The following PTPRO variants were observed in gnomAD, a reference collection of about 807,000 sequenced individuals.
The protein encoded by PTPRO is protein tyrosine phosphatase receptor type O, also known as receptor-type tyrosine-protein phosphatase O.
Under a neutral mutation model 145.2 loss-of-function variants are expected in PTPRO, and 62 were observed. That is an observed-to-expected ratio of 0.43 (90% confidence interval 0.35 to 0.53). The LOEUF (loss-of-function observed/expected upper bound fraction) is 0.53. Ranked by LOEUF, PTPRO falls within the 20% of genes least tolerant of loss-of-function variation. The probability of loss-of-function intolerance (pLI) is 0.01; values close to 1 mark genes in which losing one functional copy is unlikely to be tolerated. For missense variants in PTPRO, 1,345 were observed against 1,482.7 expected (o/e 0.91, Z 1.53); for synonymous variants, 565 against 514.7 (o/e 1.10, Z -1.32).
chr12:15,508,700 C>T lies in PTPRO; in HGVS notation c.1397C>T (p.Ser466Phe). The part of the protein sequence containing the change: ...SQENYNSTIV[S>F]VVSLTCQKQK... ...GAGAACTACAACAGCACCATTGTGT[C>T]TGTGGTGTCGCTGACCTGCCAGAAA... Residue 466 changes from serine to phenylalanine, a missense_variant, in exon 7 of 27, where the codon TCT (serine) becomes TTT (phenylalanine). By Grantham distance (155) the Ser-to-Phe change is radical (BLOSUM62 -2). Coordinates refer to ENST00000281171, the MANE Select transcript of PTPRO (RefSeq NM_030667.3). 1 of 1,614,076 alleles carries T rather than the reference C, an allele frequency of 6.2e-7. No individual in the cohort carries two copies. The highest frequency in any genetic ancestry group is 8.5e-7 in the Non-Finnish European group (1 of 1,180,010).
chr12:15,465,817 T>C (rs1008404866), intron 1 of PTPRO, among the ~76,000 whole-genome samples: 8 of 152,150 alleles, frequency 5.3e-5, no homozygotes, highest in African/African-American at 1.7e-4. Context: ...ATAAGATGGA[T>C]GGTAAATAGG....
chr12:15,436,579 T>C (rs1040207278), intron 1 of PTPRO, among the ~76,000 whole-genome samples: 1 of 152,090 alleles, frequency 6.6e-6, no homozygotes, highest in Non-Finnish European at 1.5e-5. Context: ...CTTCTCCTAA[T>C]CCCTGGAGTT....
chr12:15,581,230 C>T (rs560942128), intron 22 of PTPRO, among the ~76,000 whole-genome samples: 13 of 151,752 alleles, frequency 8.6e-5, no homozygotes, highest in African/African-American at 3.1e-4. Context: ...TTACTAAAGG[C>T]AGTTTCAGCA....
At chr12:15,431,441 A>C (rs538520791) in intron 1 of PTPRO, among the ~76,000 whole-genome samples, 1 of 152,292 alleles carries the variant, frequency 6.6e-6, no homozygotes, top group South Asian at 2.1e-4. Context: ...TTCTCACTTC[A>C]ACTTTTCAAA....
intron 1 of PTPRO, among the ~76,000 whole-genome samples, chr12:15,371,978 C>T (rs1389008975): frequency 1.3e-5 from 2 of 152,142 alleles, no homozygotes; most frequent in Admixed American, 6.5e-5. Context: ...TCAACTAAAC[C>T]TCTTTCCTAT....
intron 1 of PTPRO, among the ~76,000 whole-genome samples, chr12:15,411,233 T>C (rs1939789726): frequency 6.6e-6 from 1 of 152,236 alleles, no homozygotes; most frequent in Non-Finnish European, 1.5e-5. Flanking sequence ...TAAATTGTTC[T>C]ATTCAGGCAA....
At chr12:15,496,142 G>GTT (rs71042255) in intron 2 of PTPRO, among the ~76,000 whole-genome samples, 12 of 75,354 alleles carry the variant, frequency 1.6e-4, no homozygotes, top group African/African-American at 3.7e-4. Flanking sequence ...TTCTTTTTTT[G>GTT]TTTTTTTTTT....
intron 1 of PTPRO, among the ~76,000 whole-genome samples, chr12:15,387,195 T>C (rs1006193763): frequency 6.6e-6 from 1 of 152,156 alleles, no homozygotes; most frequent in African/African-American, 2.4e-5. Context: ...GCAGGGATCA[T>C]TGAAATTCAT....
At position 15,515,583 on chromosome 12, in the gene PTPRO, T is replaced by C. The variant is rs1326890582; in HGVS notation, c.1550T>C (p.Ile517Thr). ...ATATACCTAAGGAAAGGCCCTTTGA[T>C]TGGACCACCTTCAGATCCTGTGACA... ...VVIYLRKGPL[I>T]GPPSDPVTFA... The change falls in exon 8 of 27, where the codon ATT (isoleucine) becomes ACT (threonine). Residue 517 changes from isoleucine (I) to threonine (T), a missense_variant. Coordinates refer to ENST00000281171, the MANE Select transcript of PTPRO (RefSeq NM_030667.3). The C allele has an allele frequency of 6.2e-7, 1 of 1,614,070 alleles. No homozygotes were observed. The highest frequency in any genetic ancestry group is 2.2e-5 in the East Asian group (1 of 44,860).
At chr12:15,337,165 C>G (rs2136209135) in intron 1 of PTPRO, among the ~76,000 whole-genome samples, 1 of 152,184 alleles carries the variant, frequency 6.6e-6, no homozygotes, top group South Asian at 2.1e-4. Flanking sequence ...AGAAAAGAAG[C>G]CAGCAGGAAT....
intron 17 of PTPRO, among the ~76,000 whole-genome samples, chr12:15,562,995 G>T (rs899287732): frequency 5.9e-5 from 9 of 152,070 alleles, no homozygotes; most frequent in Non-Finnish European, 1.3e-4. Context: ...GAGACTTTTA[G>T]AGTTTTGTTT....
intron 22 of PTPRO, 105 bp from the exon 23 acceptor site, chr12:15,581,574 C>A: frequency 7.5e-7 from 1 of 1,338,240 alleles, no homozygotes; most frequent in Non-Finnish European, 1.1e-6. Flanking sequence ...CACCACGGTC[C>A]TATCTAATTC....
At chr12:15,448,339 T>TAAAAAAAAAAAAAAAAAAAAAAAATAA (rs56136736) in intron 1 of PTPRO, among the ~76,000 whole-genome samples, 1 of 45,020 alleles carries the variant, frequency 2.2e-5, no homozygotes, top group Non-Finnish European at 4.3e-5. Flanking sequence ...CTGTTCCTAG[T>TAAAAAAAAAAAAAAAAAAAAAAAATAA]AAAAAAAAAA....
chr12:15,414,084 A>G (rs577657503), intron 1 of PTPRO, among the ~76,000 whole-genome samples: 1 of 152,306 alleles, frequency 6.6e-6, no homozygotes, highest in African/African-American at 2.4e-5. Context: ...GCAGATATTT[A>G]TCCGGTTCAA....
At chr12:15,413,227 A>G (rs1202301445) in intron 1 of PTPRO, among the ~76,000 whole-genome samples, 1 of 151,984 alleles carries the variant, frequency 6.6e-6, no homozygotes, top group African/African-American at 2.4e-5. Context: ...AGCAGCTGGG[A>G]CTACAGGCGC....
At chr12:15,407,972 G>T (rs1257530853) in intron 1 of PTPRO, among the ~76,000 whole-genome samples, 1 of 152,166 alleles carries the variant, frequency 6.6e-6, no homozygotes, top group Non-Finnish European at 1.5e-5. Flanking sequence ...GATAAGGACT[G>T]ATTTGATCTC....
intron 1 of PTPRO, among the ~76,000 whole-genome samples, chr12:15,442,496 A>C (rs2136361740): frequency 6.6e-6 from 1 of 152,262 alleles, no homozygotes; most frequent in Middle Eastern, 3.4e-3. Context: ...TGGTAGCCAG[A>C]GCAATCAGGC....
At chr12:15,371,422 G>A (rs748053644) in intron 1 of PTPRO, among the ~76,000 whole-genome samples, 3 of 151,946 alleles carry the variant, frequency 2.0e-5, no homozygotes, top group Non-Finnish European at 2.9e-5. Flanking sequence ...TAGTAGCAAC[G>A]GGGTTTCACT....
intron 1 of PTPRO, among the ~76,000 whole-genome samples, chr12:15,466,861 A>G (rs1301144182): frequency 2.0e-5 from 3 of 152,222 alleles, no homozygotes; most frequent in African/African-American, 2.4e-5. Flanking sequence ...TTCATATTTC[A>G]TGATTGAAAA....
Sources: allele counts gnomAD v4.1 joint callset (sites outside exome capture counted in the v4.1 genomes callset), GRCh38; gene constraint gnomAD v4.1.1; transcripts MANE v1.5; gene names NCBI Gene and HGNC (gene_info 2026-07-23, HGNC 2026-07-21).